PGLYRP3: variants seen among roughly 807,000 people sequenced by gnomAD.
PGLYRP3 encodes the protein peptidoglycan recognition protein I alpha.
A neutral mutation model predicts 36.0 loss-of-function variants in PGLYRP3; 39 were observed. The ratio of observed to expected loss-of-function variants is 1.08; its 90% CI spans 0.84 to 1.41. The LOEUF is 1.41. Among genes scored for constraint, PGLYRP3 ranks in the 40% most tolerant of loss-of-function variants. The pLI is 0.00. For missense variants in PGLYRP3, 407 were observed against 427.9 expected (o/e 0.95, Z 0.43); for synonymous variants, 204 against 172.8 (o/e 1.18, Z -1.42).
At position 153,303,905 on chromosome 1, in the gene PGLYRP3, T is replaced by A; in HGVS notation, c.481A>T (p.Lys161Ter). The A allele has an allele frequency of 1.2e-6, 2 of 1,613,890 alleles. No individual in the cohort carries two copies. The highest frequency in any genetic ancestry group is 2.7e-5 in the African/African-American group (2 of 74,984). ...SPRYIQPLLL[K>*]EETCLDPQHP... ...TGAGGGTCCAGGCAGGTCTCTTCTTTCAGAAGAAGTGGCTGAATATACCTG... is the reference window on the plus strand; with the variant it reads ...TGAGGGTCCAGGCAGGTCTCTTCTTACAGAAGAAGTGGCTGAATATACCTG... The change falls in exon 5 of 8, where the codon AAA (lysine) becomes TAA (stop). Residue 161 changes from lysine to a stop codon, truncating the protein, a stop_gained. Coordinates refer to ENST00000683862, the MANE Select transcript of PGLYRP3 (RefSeq NM_052891.3). LOFTEE classifies it high-confidence loss of function.
chr1:153,305,202 A>G, intron 3 of PGLYRP3, 137 bp from the exon 4 acceptor site: 1 of 616,944 alleles, frequency 1.6e-6, no homozygotes, highest in South Asian at 2.4e-5. Context: ...GGAGGTGCAG[A>G]ATAACCAGTT....
At chr1:153,310,559 G>T in intron 2 of PGLYRP3, 52 bp downstream of exon 2, 2 of 1,562,058 alleles carry the variant, frequency 1.3e-6, no homozygotes, top group South Asian at 1.1e-5. Flanking sequence ...ACTTGAGAAC[G>T]GTCTTCTCTT....
Position 153,303,970 on chromosome 1 carries a change from C to A in PGLYRP3, c.416G>T (p.Gly139Val), listed in dbSNP as rs753971677. The A allele has an allele frequency of 1.4e-5, 23 of 1,613,818 alleles. No individual in the cohort carries two copies. Among genetic ancestry groups the A allele is most frequent in the Non-Finnish European group, 1.8e-5 (21 of 1,179,900 alleles). The part of the protein sequence containing the change: ...PSPAALSAAE[G>V]LISYAIQKGH... Reference sequence around the variant, plus strand: ...CTTCTGGATGGCATAGGAGATCAGACCCTCTGCAGCTGATAAGGCAGCAGG... The same window carrying A: ...CTTCTGGATGGCATAGGAGATCAGAACCTCTGCAGCTGATAAGGCAGCAGG... The change falls in exon 5 of 8, where the codon GGT (glycine) becomes GTT (valine). Residue 139 changes from glycine (G) to valine (V), a missense_variant. By Grantham distance (109) the Gly-to-Val change is moderately radical (BLOSUM62 -3). Transcript: ENST00000683862.
chr1:153,299,081 C>T (rs1393474366), intron 7 of PGLYRP3, 32 bp downstream of exon 7: 6 of 1,574,146 alleles, frequency 3.8e-6, no homozygotes, highest in Non-Finnish European at 5.2e-6. Context: ...CTTCAACCCC[C>T]AGCACCCCTC....
intron 2 of PGLYRP3, among the ~76,000 whole-genome samples, chr1:153,307,773 A>C (rs1202296313): frequency 6.6e-6 from 1 of 152,150 alleles, no homozygotes; most frequent in Admixed American, 6.5e-5. Flanking sequence ...AGCCCACAGG[A>C]GGCTCCATAA....
In PGLYRP3 at chr1:153,302,484, G is replaced by T. The variant is rs1258273369; in HGVS notation, c.653C>A (p.Thr218Lys). The T allele has an allele frequency of 3.7e-6, 6 of 1,614,110 alleles. No homozygotes were observed. Among genetic ancestry groups the T allele is most frequent in the Non-Finnish European group, 5.1e-6 (6 of 1,180,052 alleles). The change falls in exon 6 of 8, where the codon ACA becomes AAA. Residue 218 changes from threonine to lysine, a missense_variant. By Grantham distance (78) the Thr-to-Lys change is moderately conservative (BLOSUM62 -1). Transcript: ENST00000683862. Reference protein sequence around the residue: ...HTAGTSCTVSTDCQTVVRNIQ... With the variant: ...HTAGTSCTVSKDCQTVVRNIQ... ...GTTTCGGACGACAGTCTGGCAGTCTGTGGATACAGTGCAGCTTGTGCCAGC... is the reference window on the plus strand; with the variant it reads ...GTTTCGGACGACAGTCTGGCAGTCTTTGGATACAGTGCAGCTTGTGCCAGC...
At chr1:153,308,039 G>T (rs1463057408) in intron 2 of PGLYRP3, among the ~76,000 whole-genome samples, 4 of 149,384 alleles carry the variant, frequency 2.7e-5, no homozygotes, top group African/African-American at 9.9e-5. Context: ...CTGTCACCCA[G>T]GCTGCAGTGC....
rs1261680646 is a variant in PGLYRP3 at position 153,303,900 on chromosome 1, T to C, written c.486A>G (p.Glu162=). Residue 162 remains glutamate, a synonymous_variant, in exon 5 of 8, where the codon GAA becomes GAG. Coordinates refer to ENST00000683862, the MANE Select transcript of PGLYRP3 (RefSeq NM_052891.3). ...GATGTTGAGGGTCCAGGCAGGTCTC[T>C]TCTTTCAGAAGAAGTGGCTGAATAT... is the stretch of plus-strand genomic sequence containing the variant. The part of the protein sequence containing the change: ...PRYIQPLLLK[E]ETCLDPQHPV... The C allele has an allele frequency of 6.2e-7, 1 of 1,613,738 alleles. No homozygotes were observed. Among genetic ancestry groups the C allele is most frequent in the Non-Finnish European group, 8.5e-7 (1 of 1,179,926 alleles).
At chr1:153,311,365 C>G (rs1557813446) in intron 1 of PGLYRP3, among the ~76,000 whole-genome samples, 1 of 152,150 alleles carries the variant, frequency 6.6e-6, no homozygotes, top group Non-Finnish European at 1.5e-5. Context: ...CTATGAGACC[C>G]GCACTTATCA....
chr1:153,300,730 C>T (rs891641607), intron 6 of PGLYRP3, among the ~76,000 whole-genome samples: 2 of 152,108 alleles, frequency 1.3e-5, no homozygotes, highest in African/African-American at 2.4e-5. Context: ...TGTCACCTCC[C>T]GCGATAAGTT....
Position 153,304,968 on chromosome 1 carries a change from C to T in PGLYRP3, c.355G>A (p.Ala119Thr), listed in dbSNP as rs369979237. The T allele has an allele frequency of 7.4e-6, 12 of 1,613,180 alleles. No individual in the cohort carries two copies. Among genetic ancestry groups the T allele is most frequent in the Admixed American group, 6.7e-5 (4 of 59,916 alleles). The change falls in exon 4 of 8, where the codon GCC becomes ACC. Residue 119 changes from alanine to threonine, a missense_variant. Ala to Thr is a moderately conservative substitution (Grantham distance 58). Coordinates refer to ENST00000683862, the MANE Select transcript of PGLYRP3 (RefSeq NM_052891.3). The stretch of plus-strand genomic sequence containing the variant: ...TTACCTATCTTATTGCCAAAGAAGG[C>T]GATGCCCAGGGAAATGTTGTTGTAG... The part of the protein sequence containing the change: ...QGYNNISLGI[A>T]FFGNKIGSSP...
Position 153,298,097 on chromosome 1 carries a change from C to T in PGLYRP3, c.885G>A (p.Gln295=), listed in dbSNP as rs1282523854. The change falls in exon 8 of 8, where the codon CAG becomes CAA. Residue 295 remains glutamine, a synonymous_variant. Transcript: ENST00000683862. ...PPNAAALEAA[Q]DLIQCAVVEG... The stretch of plus-strand genomic sequence containing the variant: ...CAACCACGGCACACTGGATCAGGTC[C>T]TGGGCCGCCTCCAGCGCTGCAGCAT... The T allele has an allele frequency of 6.2e-7, 1 of 1,614,046 alleles. No individual in the cohort carries two copies. The highest frequency in any genetic ancestry group is 2.2e-5 in the East Asian group (1 of 44,868).
intron 1 of PGLYRP3, among the ~76,000 whole-genome samples, chr1:153,311,582 A>G (rs1659898748): frequency 6.6e-6 from 1 of 152,206 alleles, no homozygotes; most frequent in African/African-American, 2.4e-5. Flanking sequence ...AGCTCCAGGA[A>G]TCTTTCCTGC....
chr1:153,303,810 G>T (rs1280248840), intron 5 of PGLYRP3, 47 bp downstream of exon 5: 2 of 1,568,484 alleles, frequency 1.3e-6, no homozygotes, highest in Non-Finnish European at 1.7e-6. Context: ...TCCAAACATG[G>T]CTAGGTGGTG....
chr1:153,302,642 T>A (rs1659628022), intron 5 of PGLYRP3, 35 bp from the exon 6 acceptor site: 1 of 1,607,290 alleles, frequency 6.2e-7, no homozygotes, highest in East Asian at 2.2e-5. Flanking sequence ...AAGTAGGAAT[T>A]TTTTTTGCCT....
At chr1:153,310,161 C>T (rs187511963) in intron 2 of PGLYRP3, among the ~76,000 whole-genome samples, 140 of 152,294 alleles carry the variant, frequency 9.2e-4, no homozygotes, top group African/African-American at 3.2e-3. Flanking sequence ...TCTAGAGAAA[C>T]GGCATTGCTA....
chr1:153,298,053 T>A lies in PGLYRP3; in HGVS notation c.929A>T (p.Asn310Ile). ...CAVVEGYLTP[N>I]YLLMGHSDVV... ...GTCACTGTGGCCCATCAGCAGGTAG[T>A]TTGGAGTCAGGTACCCCTCAACCAC... Residue 310 changes from asparagine to isoleucine, a missense_variant, in exon 8 of 8, where the codon AAC becomes ATC. By Grantham distance (149) the Asn-to-Ile change is moderately radical. Transcript: ENST00000683862. The A allele has an allele frequency of 6.2e-7, 1 of 1,613,886 alleles. No homozygotes were observed. Among genetic ancestry groups the A allele is most frequent in the Admixed American group, 1.7e-5 (1 of 59,974 alleles).
chr1:153,298,121 A>G lies in PGLYRP3; in HGVS notation c.861T>C (p.Asn287=), dbSNP rs954911183. ...FIGYFVEKPP[N]AAALEAAQDL... is the part of the protein sequence containing the mutation. ...CCTGGGCCGCCTCCAGCGCTGCAGC[A>G]TTTGGAGGCTTTTCTGCAAAACACA... The change falls in exon 8 of 8, where the codon AAT becomes AAC. Residue 287 remains asparagine (N), a synonymous_variant. Coordinates refer to ENST00000683862, the MANE Select transcript of PGLYRP3 (RefSeq NM_052891.3). 10 of 1,613,658 alleles carry G rather than the reference A, an allele frequency of 6.2e-6. No individual in the cohort carries two copies. The highest frequency in any genetic ancestry group is 3.3e-4 in the Middle Eastern group (2 of 6,080).
chr1:153,307,483 C>T (rs935490293), intron 2 of PGLYRP3, among the ~76,000 whole-genome samples: 4 of 152,122 alleles, frequency 2.6e-5, no homozygotes, highest in Admixed American at 1.3e-4. Flanking sequence ...GAAGTCGTGC[C>T]GCCTTGTTCC....
Sources: gnomAD v4.1 joint callset for allele counts (sites outside exome capture counted in the v4.1 genomes callset) on GRCh38, gnomAD v4.1.1 for gene constraint, MANE v1.5 for transcripts, NCBI Gene and HGNC (gene_info 2026-07-23, HGNC 2026-07-21) for gene names.